The following CELF4 variants were observed in gnomAD, a reference collection of about 807,000 sequenced individuals.
CELF4 encodes the protein CUGBP Elav-like family member 4.
In CELF4, 18 loss-of-function variants were observed where a neutral mutation model predicts 59.9. The ratio of observed to expected loss-of-function variants is 0.30; its 90% CI spans 0.21 to 0.45. CELF4 has a LOEUF of 0.45. CELF4 is among the 20% of genes least tolerant of loss of function. The pLI, the probability that CELF4 is intolerant of heterozygous loss-of-function variation, is 1.00. For synonymous variants in CELF4, 261 were observed against 267.1 expected (o/e 0.98, Z 0.22); for missense variants, 456 against 689.0 (o/e 0.66, Z 3.79).
intron 1 of CELF4, among the ~76,000 whole-genome samples, chr18:37,520,518 G>A (rs2099956125): frequency 6.6e-6 from 1 of 151,682 alleles, no homozygotes; most frequent in Non-Finnish European, 1.5e-5. Flanking sequence ...AGGGTAACAG[G>A]CTTCGGGTTG....
chr18:37,275,123 T>A lies in CELF4; in HGVS notation c.569A>T (p.Asn190Ile). Residue 190 changes from asparagine to isoleucine, a missense_variant, in exon 4 of 13, where the codon AAC becomes ATC. Coordinates refer to ENST00000420428, the MANE Select transcript of CELF4 (RefSeq NM_020180.4). ...ECTILRGPDG[N>I]SKGCAFVKYS... The stretch of plus-strand genomic sequence containing the variant: ...GGCCCCGCCCCGCGCACCCTTGCTG[T>A]TGCCGTCGGGCCCGCGCAGGATGGT... 6.2e-7 allele frequency: 1 copy of A among 1,613,230 alleles called. No homozygotes were observed. The highest frequency in any genetic ancestry group is 8.5e-7 in the Non-Finnish European group (1 of 1,179,792).
chr18:37,507,852 T>A (rs1474061190), intron 1 of CELF4, among the ~76,000 whole-genome samples: 2 of 152,204 alleles, frequency 1.3e-5, no homozygotes. Context: ...GCCCCTGTTA[T>A]GTGCCCACAT....
At chr18:37,319,141 T>A (rs545100808) in intron 3 of CELF4, among the ~76,000 whole-genome samples, 1 of 152,134 alleles carries the variant, frequency 6.6e-6, no homozygotes, top group Non-Finnish European at 1.5e-5. Context: ...CCGTGTGAAC[T>A]GGGGGCTGCA....
intron 2 of CELF4, among the ~76,000 whole-genome samples, chr18:37,412,172 G>A (rs1011447987): frequency 6.6e-6 from 1 of 152,202 alleles, no homozygotes; most frequent in Admixed American, 6.5e-5. Flanking sequence ...CTTAGGAGCC[G>A]AATGTCCATT....
chr18:37,494,541 GT>G (rs1004900024), intron 1 of CELF4, among the ~76,000 whole-genome samples: 3 of 152,184 alleles, frequency 2.0e-5, no homozygotes, highest in African/African-American at 7.2e-5. Context: ...CCTTATGTGT[GT>G]TTTTTTGGCA....
intron 2 of CELF4, among the ~76,000 whole-genome samples, chr18:37,380,372 C>G (rs2099022680): frequency 6.6e-6 from 1 of 152,170 alleles, no homozygotes; most frequent in Non-Finnish European, 1.5e-5. Flanking sequence ...CCCAACTACT[C>G]CTCCCAAACC....
At chr18:37,518,509 C>T (rs149591635) in intron 1 of CELF4, among the ~76,000 whole-genome samples, 11 of 152,204 alleles carry the variant, frequency 7.2e-5, no homozygotes, top group African/African-American at 2.2e-4. Flanking sequence ...AAACAATCTC[C>T]GGGCAGGCAA....
At chr18:37,293,918 C>T (rs2095492986) in intron 3 of CELF4, among the ~76,000 whole-genome samples, 1 of 152,102 alleles carries the variant, frequency 6.6e-6, no homozygotes, top group South Asian at 2.1e-4. Context: ...ATATGGGGGT[C>T]AGGGAGGAAG....
At chr18:37,379,711 G>A (rs952395460) in intron 2 of CELF4, among the ~76,000 whole-genome samples, 1 of 152,064 alleles carries the variant, frequency 6.6e-6, no homozygotes, top group African/African-American at 2.4e-5. Flanking sequence ...GAGGAATAAA[G>A]GTCAGACTCA....
chr18:37,349,946 G>C (rs566834471), intron 2 of CELF4, among the ~76,000 whole-genome samples: 8 of 152,170 alleles, frequency 5.3e-5, no homozygotes, highest in Non-Finnish European at 1.0e-4. Flanking sequence ...AGAGGCAAGC[G>C]GTGGCCCCTC....
intron 1 of CELF4, among the ~76,000 whole-genome samples, chr18:37,505,714 G>T (rs1463081145): frequency 1.3e-5 from 2 of 152,200 alleles, no homozygotes; most frequent in Non-Finnish European, 2.9e-5. Flanking sequence ...TCCTGGCTAT[G>T]TGATGTTGGA....
chr18:37,256,127 C>A (rs1212465144), intron 11 of CELF4, among the ~76,000 whole-genome samples: 1 of 152,224 alleles, frequency 6.6e-6, no homozygotes, highest in African/African-American at 2.4e-5. Flanking sequence ...GGTTCCAGGA[C>A]CGTCTTCCTT....
At chr18:37,367,354 G>A (rs959087738) in intron 2 of CELF4, among the ~76,000 whole-genome samples, 1 of 152,066 alleles carries the variant, frequency 6.6e-6, no homozygotes, top group Non-Finnish European at 1.5e-5. Context: ...AGATGTCACT[G>A]GAGACAGTTC....
chr18:37,447,023 C>T (rs1273599355), intron 2 of CELF4, among the ~76,000 whole-genome samples: 1 of 152,124 alleles, frequency 6.6e-6, no homozygotes, highest in African/African-American at 2.4e-5. Flanking sequence ...GACTATCCAG[C>T]AGTGTGTGAT....
At chr18:37,481,183 G>T (rs1281740253) in intron 2 of CELF4, among the ~76,000 whole-genome samples, 2 of 152,160 alleles carry the variant, frequency 1.3e-5, no homozygotes, top group African/African-American at 2.4e-5. Flanking sequence ...TTCTAGGATT[G>T]TTGGAATGAG....
chr18:37,408,499 G>GGT (rs1569568994), intron 2 of CELF4, among the ~76,000 whole-genome samples: 1 of 63,830 alleles, frequency 1.6e-5, no homozygotes, highest in African/African-American at 3.9e-5. Flanking sequence ...TGCCGGGGGG[G>GGT]GGCGCGGTGC....
At position 37,323,007 on chromosome 18, in the gene CELF4, C is replaced by T. The variant is rs1489132376; in HGVS notation, c.370-1126G>A. Among the ~76,000 whole-genome samples the T allele has an allele frequency of 2.6e-5, 4 of 152,182 alleles. No individual in the cohort carries two copies. The South Asian group carries it at 6.2e-4, about 24-fold the overall frequency. On this transcript the variant is annotated intron_variant, in intron 2 of 12. Transcript: ENST00000420428. ...GTCTGTCCTGCGCTTTGAGACCTTC[C>T]GTTGCCAATTCCCTCCCGTACAGCG... is the stretch of plus-strand genomic sequence containing the variant.
At chr18:37,273,702 A>G in intron 6 of CELF4, 5 of 987,320 alleles carry the variant, frequency 5.1e-6, no homozygotes, top group Non-Finnish European at 6.0e-6. Context: ...AAGTGAGGTA[A>G]GCTTGCATTT....
At chr18:37,427,885 G>T (rs1411429871) in intron 2 of CELF4, among the ~76,000 whole-genome samples, 1 of 152,242 alleles carries the variant, frequency 6.6e-6, no homozygotes, top group Non-Finnish European at 1.5e-5. Context: ...ACAATGTTTT[G>T]CTGTCCTCCT....
Sources: gnomAD v4.1 joint callset for allele counts (sites outside exome capture counted in the v4.1 genomes callset) on GRCh38, gnomAD v4.1.1 for gene constraint, MANE v1.5 for transcripts, NCBI Gene and HGNC (gene_info 2026-07-23, HGNC 2026-07-21) for gene names.